PDK1: variants seen among roughly 807,000 people sequenced by gnomAD.
The protein encoded by PDK1 is [Pyruvate dehydrogenase (acetyl-transferring)] kinase isozyme 1, mitochondrial.
In PDK1, 39 loss-of-function variants were observed where a neutral mutation model predicts 54.2. The observed-to-expected ratio is 0.72, with a 90% confidence interval of 0.56 to 0.94. The LOEUF is 0.94. Ranked by LOEUF, PDK1 falls within the 40% of genes least tolerant of loss-of-function variation. The pLI is 0.00. For missense variants in PDK1, 552 were observed against 566.0 expected (o/e 0.98, Z 0.25); for synonymous variants, 221 against 207.1 (o/e 1.07, Z -0.58).
intron 8 of PDK1, among the ~76,000 whole-genome samples, chr2:172,572,711 T>G (rs185084895): frequency 1.2e-3 from 185 of 152,224 alleles, no homozygotes; most frequent in African/African-American, 4.2e-3. Flanking sequence ...GGTGACAGAT[T>G]GAGACTCCAT....
At chr2:172,619,279 C>T in the PDK1 span, among the ~76,000 whole-genome samples, 1 of 152,172 alleles carries the variant, frequency 6.6e-6, no homozygotes, top group Non-Finnish European at 1.5e-5. Context: ...TTGCCTTATT[C>T]ACCAGGGATG....
chr2:172,575,260 T>G (rs1160117501), intron 8 of PDK1, among the ~76,000 whole-genome samples: 1 of 152,214 alleles, frequency 6.6e-6, no homozygotes, highest in African/African-American at 2.4e-5. Flanking sequence ...TTGATGTTCA[T>G]AAGGTATGTT....
chr2:172,699,443 G>A, the PDK1 span, among the ~76,000 whole-genome samples: 4 of 148,760 alleles, frequency 2.7e-5, no homozygotes, highest in Admixed American at 1.3e-4. Context: ...TATTTTTTTT[G>A]AAGACACCTG....
chr2:172,625,473 C>T, the PDK1 span, among the ~76,000 whole-genome samples: 1 of 152,172 alleles, frequency 6.6e-6, no homozygotes, highest in Non-Finnish European at 1.5e-5. Context: ...CTGTTTGTAA[C>T]TTTCTTTCTT....
At chr2:172,695,576 G>T in the PDK1 span, among the ~76,000 whole-genome samples, 3 of 152,116 alleles carry the variant, frequency 2.0e-5, no homozygotes, top group African/African-American at 4.8e-5. Context: ...GATGGGATCT[G>T]GGACTTGCTC....
chr2:172,668,596 G>C, the PDK1 span, among the ~76,000 whole-genome samples: 2 of 151,596 alleles, frequency 1.3e-5, no homozygotes, highest in African/African-American at 4.8e-5. Context: ...CACCTCATAG[G>C]AAATTATGGC....
chr2:172,636,588 G>T, the PDK1 span, among the ~76,000 whole-genome samples: 1 of 152,082 alleles, frequency 6.6e-6, no homozygotes, highest in African/African-American at 2.4e-5. Context: ...GGGCATGGTG[G>T]TGGGCACCTG....
the PDK1 span, among the ~76,000 whole-genome samples, chr2:172,709,023 A>G: frequency 6.6e-6 from 1 of 151,942 alleles, no homozygotes; most frequent in Non-Finnish European, 1.5e-5. Flanking sequence ...TGATAAAGAG[A>G]TTTGTTGTTT....
At chr2:172,635,440 C>G in the PDK1 span, among the ~76,000 whole-genome samples, 1 of 152,058 alleles carries the variant, frequency 6.6e-6, no homozygotes. Context: ...CTCCACCTCC[C>G]GAGTAGCTGG....
chr2:172,662,651 G>A, the PDK1 span, among the ~76,000 whole-genome samples: 1 of 151,828 alleles, frequency 6.6e-6, no homozygotes, highest in Admixed American at 6.6e-5. Flanking sequence ...CCAATTTGTG[G>A]CAATTAAAAA....
In PDK1 at chr2:172,601,317, A is replaced by G. The variant is rs1054683779; in HGVS notation, c.*5348A>G. The G allele has an allele frequency of 6.6e-6, 1 of 152,212 alleles. No homozygotes were observed. Among genetic ancestry groups the G allele is most frequent in the African/African-American group, 2.4e-5 (1 of 41,454 alleles). The allele number at this position is 152,212 out of a possible 1,614,324, so 9.4% of individuals were successfully genotyped here. A position where few individuals can be genotyped will look rare whatever the true frequency, so the allele number is the denominator to read the frequency against. ...ACTGCTAAAGTTACGGGTTTATTTT[A>G]AAGTTTAAAATAGAAGTAAACAAGC... On this transcript the variant is annotated 3_prime_UTR_variant, in exon 11 of 11. Transcript: ENST00000282077.
the PDK1 span, among the ~76,000 whole-genome samples, chr2:172,722,525 G>A: frequency 2.6e-5 from 4 of 152,148 alleles, no homozygotes; most frequent in Non-Finnish European, 5.9e-5. Flanking sequence ...ATTTTCCAAG[G>A]GTGATAAAGA....
the PDK1 span, among the ~76,000 whole-genome samples, chr2:172,662,843 G>A: frequency 6.6e-6 from 1 of 151,920 alleles, no homozygotes; most frequent in African/African-American, 2.4e-5. Context: ...TTTCTTCAGG[G>A]AATGCCATCC....
At chr2:172,567,132 T>C (rs1688999801) in intron 6 of PDK1, among the ~76,000 whole-genome samples, 199 bp downstream of exon 6, 1 of 152,268 alleles carries the variant, frequency 6.6e-6, no homozygotes, top group African/African-American at 2.4e-5. Flanking sequence ...TTTGGCTTTT[T>C]GTATCACATT....
At chr2:172,591,458 C>T (rs1217530891) in intron 9 of PDK1, among the ~76,000 whole-genome samples, 2 of 152,188 alleles carry the variant, frequency 1.3e-5, no homozygotes, top group Non-Finnish European at 2.9e-5. Flanking sequence ...TGGAGAGTCA[C>T]TGCTGCCAAA....
At chr2:172,723,274 T>G in the PDK1 span, 1 of 152,190 alleles carries the variant, frequency 6.6e-6, no homozygotes, top group African/African-American at 2.4e-5. Context: ...TATTATACTA[T>G]TCTTTTGATG....
At chr2:172,627,169 G>T in the PDK1 span, among the ~76,000 whole-genome samples, 1 of 152,224 alleles carries the variant, frequency 6.6e-6, no homozygotes, top group Non-Finnish European at 1.5e-5. Context: ...TGAAAGAATA[G>T]TATCTAAACC....
the PDK1 span, among the ~76,000 whole-genome samples, chr2:172,702,603 C>T: frequency 2.2e-5 from 3 of 137,798 alleles, no homozygotes; most frequent in Admixed American, 2.2e-4. Flanking sequence ...CTCCTAACTG[C>T]CTTTTTTTTT....
chr2:172,658,039 C>T, the PDK1 span, among the ~76,000 whole-genome samples: 1 of 152,120 alleles, frequency 6.6e-6, no homozygotes, highest in African/African-American at 2.4e-5. Flanking sequence ...TTCTAATGAT[C>T]AGCTCTTGTG....
Sources: allele counts gnomAD v4.1 joint callset (sites outside exome capture counted in the v4.1 genomes callset), GRCh38; gene constraint gnomAD v4.1.1; transcripts MANE v1.5; gene names NCBI Gene and HGNC (gene_info 2026-07-23, HGNC 2026-07-21).